Variants in INSR observed in about 807,000 individuals in gnomAD.
INSR encodes the protein IR.
Under a neutral mutation model 142.6 loss-of-function variants are expected in INSR, and 67 were observed. That is an observed-to-expected ratio of 0.47 (90% CI 0.39 to 0.58). INSR has a LOEUF of 0.58. INSR is among the 20% of genes least tolerant of loss of function. INSR has a pLI of 0.00. For synonymous variants in INSR, 756 were observed against 743.1 expected (o/e 1.02, Z -0.28); for missense variants, 1,248 against 1,833.2 (o/e 0.68, Z 5.83).
intron 2 of INSR, among the ~76,000 whole-genome samples, chr19:7,243,840 A>G (rs976183854): frequency 1.3e-5 from 2 of 152,212 alleles, no homozygotes; most frequent in Non-Finnish European, 2.9e-5. Flanking sequence ...TTACCACAGG[A>G]AAGCAAGGAT....
At chr19:7,121,450 T>C (rs1972489947) in intron 19 of INSR, among the ~76,000 whole-genome samples, 1 of 152,006 alleles carries the variant, frequency 6.6e-6, no homozygotes, top group Non-Finnish European at 1.5e-5. Flanking sequence ...CTCACGCTGC[T>C]CTGGTCCCCT....
chr19:7,231,326 A>T (rs1458018483), intron 2 of INSR, among the ~76,000 whole-genome samples: 3 of 127,522 alleles, frequency 2.4e-5, no homozygotes, highest in Admixed American at 8.7e-5. Context: ...TTTGAGATGG[A>T]GTCTCTCTCT....
intron 2 of INSR, among the ~76,000 whole-genome samples, chr19:7,226,174 G>A (rs191144495): frequency 4.5e-4 from 69 of 152,276 alleles, no homozygotes; most frequent in African/African-American, 1.6e-3. Flanking sequence ...TTGGGAGGCC[G>A]AGGTGGGAGG....
rs1186938775 is a variant in INSR at position 7,119,852 on chromosome 19, ACG to A, written c.3660-271_3660-270del. On this transcript the variant is annotated intron_variant, in intron 20 of 21. Coordinates refer to ENST00000302850, the MANE Select transcript of INSR (RefSeq NM_000208.4). The surrounding 1 kb of genome is among the most constrained non-coding windows in gnomAD (Gnocchi z 5.2). ...CAAACACACACACCCAAACACACAC[ACG>A]CACACACATGCAAACACACACAAAC... is the stretch of plus-strand genomic sequence containing the variant. 5.6e-4 allele frequency among the ~76,000 whole-genome samples: 65 copies of A among 116,972 alleles called. No individual in the cohort carries two copies. The highest frequency in any genetic ancestry group is 1.1e-3 in the Non-Finnish European group (55 of 50,656). 76.7% of individuals were successfully genotyped at this position (116,972 alleles called of 152,430 possible).
intron 2 of INSR, among the ~76,000 whole-genome samples, chr19:7,257,767 G>A (rs1205264141): frequency 1.3e-5 from 2 of 152,172 alleles, no homozygotes; most frequent in Non-Finnish European, 2.9e-5. Flanking sequence ...GGGCTGTATG[G>A]CCTCAGGCCG....
chr19:7,160,609 A>G (rs1340869671), intron 9 of INSR, among the ~76,000 whole-genome samples: 2 of 152,098 alleles, frequency 1.3e-5, no homozygotes, highest in African/African-American at 2.4e-5. Context: ...TGGACAACAG[A>G]GTGAGACCCC....
chr19:7,135,090 TAAAAAAAAAAAA>T (rs5826960), intron 13 of INSR, among the ~76,000 whole-genome samples: 1 of 78,456 alleles, frequency 1.3e-5, no homozygotes, highest in Non-Finnish European at 2.2e-5. Flanking sequence ...AAAGAAATGT[TAAAAAAAAAAAA>T]AAAAAAAAAG....
intron 11 of INSR, among the ~76,000 whole-genome samples, chr19:7,149,307 G>T (rs1274465891): frequency 6.6e-6 from 1 of 152,150 alleles, no homozygotes; most frequent in Admixed American, 6.6e-5. Flanking sequence ...CTAGAGGGCA[G>T]ATCAGGCCAC....
At chr19:7,286,185 G>A (rs2145248083) in intron 1 of INSR, among the ~76,000 whole-genome samples, 1 of 151,946 alleles carries the variant, frequency 6.6e-6, no homozygotes, top group East Asian at 1.9e-4. Context: ...GTCTTGCTAT[G>A]TTACCCAGGC....
intron 2 of INSR, among the ~76,000 whole-genome samples, chr19:7,188,281 C>T (rs1974482639): frequency 6.6e-6 from 1 of 152,120 alleles, no homozygotes; most frequent in African/African-American, 2.4e-5. Context: ...CGCGGGGGCT[C>T]ACACCTATAA....
intron 1 of INSR, among the ~76,000 whole-genome samples, chr19:7,283,807 T>C (rs896480149): frequency 6.6e-6 from 1 of 152,160 alleles, no homozygotes; most frequent in African/African-American, 2.4e-5. Context: ...CCCCTGAATG[T>C]TGAACTAGTG....
At chr19:7,187,677 A>G (rs1974465828) in intron 2 of INSR, among the ~76,000 whole-genome samples, 1 of 151,970 alleles carries the variant, frequency 6.6e-6, no homozygotes, top group Non-Finnish European at 1.5e-5. Flanking sequence ...GGCTCAGGTG[A>G]TCCTCCCACC....
intron 9 of INSR, among the ~76,000 whole-genome samples, chr19:7,161,575 G>A (rs999328349): frequency 7.2e-5 from 11 of 152,064 alleles, no homozygotes; most frequent in African/African-American, 2.7e-4. Context: ...AGTATGGGGT[G>A]GGGGATATGA....
intron 3 of INSR, among the ~76,000 whole-genome samples, chr19:7,179,848 T>C (rs1210887595): frequency 6.6e-6 from 1 of 152,212 alleles, no homozygotes; most frequent in East Asian, 1.9e-4. Context: ...TTGCAGCCTC[T>C]CCCACCAAGA....
chr19:7,258,211 G>A lies in INSR; in HGVS notation c.652+9134C>T, dbSNP rs113037474. Among the ~76,000 whole-genome samples, 1,150 of 152,278 alleles carry A rather than the reference G, an allele frequency of 7.6e-3. 18 individuals are homozygous for A. The highest frequency in any genetic ancestry group is 0.026 in the African/African-American group (1,082 of 41,562). On this transcript the variant is annotated intron_variant, in intron 2 of 21. Coordinates refer to ENST00000302850, the MANE Select transcript of INSR (RefSeq NM_000208.4). ...GCACTTTGGGAGGCCAAGAAAGGAG[G>A]ATTGCTTGAACCCAATTGTTTGAGA...
intron 2 of INSR, among the ~76,000 whole-genome samples, chr19:7,198,013 C>G (rs111471425): frequency 2.1e-5 from 3 of 145,070 alleles, no homozygotes; most frequent in Admixed American, 6.8e-5. Context: ...GGTGGGCGAG[C>G]GTGTGTGTGT....
At chr19:7,118,839 C>T (rs993274403) in intron 21 of INSR, among the ~76,000 whole-genome samples, 6 of 148,314 alleles carry the variant, frequency 4.0e-5, no homozygotes, top group Admixed American at 6.8e-5. Context: ...GGTGTGAACC[C>T]GGGAGGCGGA....
chr19:7,266,227 T>C (rs1200719807), intron 2 of INSR, among the ~76,000 whole-genome samples: 1 of 152,060 alleles, frequency 6.6e-6, no homozygotes, highest in African/African-American at 2.4e-5. Context: ...GGAGTGGCCG[T>C]TGGCACAACA....
chr19:7,195,946 T>TTTTTTTTTTC (rs1974736326), intron 2 of INSR, among the ~76,000 whole-genome samples: 1 of 145,152 alleles, frequency 6.9e-6, no homozygotes, highest in African/African-American at 2.5e-5. Context: ...TTTTTTTTTT[T>TTTTTTTTTTC]TTGTTTGAGA....
Sources: allele counts gnomAD v4.1 joint callset (sites outside exome capture counted in the v4.1 genomes callset), GRCh38; gene constraint gnomAD v4.1.1; non-coding constraint Gnocchi (gnomAD v3.1); transcripts MANE v1.5; gene names NCBI Gene and HGNC (gene_info 2026-07-23, HGNC 2026-07-21).